ASAP1: variants seen among roughly 807,000 people sequenced by gnomAD.
ASAP1 encodes ArfGAP with SH3 domain, ankyrin repeat and PH domain 1, also known as arf-GAP with SH3 domain, ANK repeat and PH domain-containing protein 1.
A neutral mutation model predicts 145.2 loss-of-function variants in ASAP1; 43 were observed. The observed-to-expected ratio is 0.30, with a 90% CI of 0.23 to 0.38. The LOEUF is 0.38. Among genes scored for constraint, ASAP1 ranks in the 10% least tolerant of loss-of-function variants. The pLI is 1.00. For synonymous variants in ASAP1, 546 were observed against 515.5 expected (o/e 1.06, Z -0.80); for missense variants, 1,018 against 1,355.3 (o/e 0.75, Z 3.91).
intron 1 of ASAP1, among the ~76,000 whole-genome samples, chr8:130,411,227 ACT>A (rs1399560106): frequency 6.6e-6 from 1 of 151,702 alleles, no homozygotes; most frequent in Admixed American, 6.6e-5. Flanking sequence ...CAATGCCTTG[ACT>A]CTCACAGGTC....
intron 5 of ASAP1, among the ~76,000 whole-genome samples, chr8:130,191,601 T>C (rs963163692): frequency 6.6e-6 from 1 of 152,188 alleles, no homozygotes; most frequent in Admixed American, 6.5e-5. Flanking sequence ...TATGTGTTAG[T>C]GGCAGAGGGA....
At chr8:130,094,950 T>C (rs1038028147) in intron 24 of ASAP1, among the ~76,000 whole-genome samples, 1 of 152,208 alleles carries the variant, frequency 6.6e-6, no homozygotes, top group Non-Finnish European at 1.5e-5. Flanking sequence ...AAAATGCTAA[T>C]GGAGCCATGT....
At chr8:130,104,131 G>A (rs151041295) in intron 24 of ASAP1, among the ~76,000 whole-genome samples, 1,966 of 152,174 alleles carry the variant, frequency 0.013, 29 homozygotes, top group Admixed American at 0.045. Context: ...GCATGCTCTG[G>A]GTACTCAGTA....
At chr8:130,273,324 A>T (rs2137093871) in intron 3 of ASAP1, among the ~76,000 whole-genome samples, 1 of 152,274 alleles carries the variant, frequency 6.6e-6, no homozygotes, top group Admixed American at 6.5e-5. Context: ...AAAGCATCAA[A>T]ATCAATTGAA....
intron 1 of ASAP1, among the ~76,000 whole-genome samples, chr8:130,414,289 GTGTGT>G (rs762734476): frequency 1.3e-5 from 2 of 152,232 alleles, no homozygotes; most frequent in Non-Finnish European, 2.9e-5. Context: ...GATAATAAAT[GTGTGT>G]TGTTTCAAGC....
intron 3 of ASAP1, among the ~76,000 whole-genome samples, chr8:130,302,092 A>G (rs889536225): frequency 6.6e-6 from 1 of 152,256 alleles, no homozygotes; most frequent in Non-Finnish European, 1.5e-5. Flanking sequence ...TAATCTGCCT[A>G]CAGCTATAGT....
At chr8:130,231,815 C>T (rs949652508) in intron 4 of ASAP1, among the ~76,000 whole-genome samples, 3 of 152,202 alleles carry the variant, frequency 2.0e-5, no homozygotes, top group Non-Finnish European at 4.4e-5. Flanking sequence ...TTAAACAATA[C>T]TGAGAAGCAA....
At chr8:130,137,878 T>C (rs2097598955) in intron 13 of ASAP1, among the ~76,000 whole-genome samples, 1 of 152,226 alleles carries the variant, frequency 6.6e-6, no homozygotes, top group Admixed American at 6.5e-5. Flanking sequence ...GGACAATGGC[T>C]GATACTAGGA....
At chr8:130,106,572 C>T (rs745770981) in intron 24 of ASAP1, among the ~76,000 whole-genome samples, 4 of 152,232 alleles carry the variant, frequency 2.6e-5, no homozygotes, top group African/African-American at 4.8e-5. Context: ...CACCTGTGGA[C>T]ATCTGGTTTA....
At chr8:130,306,050 T>C (rs901773982) in intron 3 of ASAP1, among the ~76,000 whole-genome samples, 5 of 152,174 alleles carry the variant, frequency 3.3e-5, no homozygotes, top group Non-Finnish European at 7.3e-5. Flanking sequence ...TCTGGGATCA[T>C]AAAGTCCTCA....
chr8:130,063,990 C>G (rs1035092427), intron 27 of ASAP1, among the ~76,000 whole-genome samples: 45 of 152,040 alleles, frequency 3.0e-4, no homozygotes, highest in Admixed American at 6.5e-4. Flanking sequence ...AGAGTGACCA[C>G]CAAGGAGGGT....
chr8:130,295,373 T>C (rs1822204470), intron 3 of ASAP1, among the ~76,000 whole-genome samples: 1 of 152,048 alleles, frequency 6.6e-6, no homozygotes, highest in Non-Finnish European at 1.5e-5. Flanking sequence ...ATCACATTGA[T>C]TAGCCAGGAG....
At chr8:130,102,758 T>G (rs1308464176) in intron 24 of ASAP1, among the ~76,000 whole-genome samples, 2 of 152,216 alleles carry the variant, frequency 1.3e-5, no homozygotes, top group Non-Finnish European at 2.9e-5. Flanking sequence ...TGATCTTGAC[T>G]CACTGCAGCT....
intron 2 of ASAP1, among the ~76,000 whole-genome samples, chr8:130,370,883 G>A (rs1211464548): frequency 1.3e-5 from 2 of 152,230 alleles, no homozygotes; most frequent in Admixed American, 6.5e-5. Context: ...GTTATCAGGG[G>A]CTGTGGGGGA....
chr8:130,392,010 G>A (rs561691089), intron 2 of ASAP1, among the ~76,000 whole-genome samples: 25 of 152,194 alleles, frequency 1.6e-4, no homozygotes, highest in Non-Finnish European at 2.5e-4. Flanking sequence ...ACCTGGGAGC[G>A]CCTAATCTAT....
Position 130,376,857 on chromosome 8 carries a change from C to T in ASAP1, c.60-18714G>A, listed in dbSNP as rs939782139. Among the ~76,000 whole-genome samples the T allele has an allele frequency of 5.0e-5, 7 of 141,358 alleles. No individual in the cohort carries two copies. The South Asian group carries it at 1.1e-3, about 23-fold the overall frequency. 92.7% of individuals were successfully genotyped at this position (141,358 alleles called of 152,430 possible). A position where few individuals can be genotyped will look rare whatever the true frequency, so the allele number is the denominator to read the frequency against. On this transcript the variant is annotated intron_variant, in intron 2 of 29. Coordinates refer to ENST00000518721, the MANE Select transcript of ASAP1 (RefSeq NM_018482.4). ...GGCAGAGGTTGCGGTGAGATGAGAT[C>T]GCACCATTGCACTCCAGCCTCAGCA...
At chr8:130,432,668 G>A (rs1042380432) in intron 1 of ASAP1, among the ~76,000 whole-genome samples, 2 of 152,152 alleles carry the variant, frequency 1.3e-5, no homozygotes, top group Admixed American at 6.6e-5. Flanking sequence ...GTCCCAAGAT[G>A]GCTGCCACGG....
At chr8:130,298,157 T>A (rs1822403652) in intron 3 of ASAP1, among the ~76,000 whole-genome samples, 1 of 152,204 alleles carries the variant, frequency 6.6e-6, no homozygotes, top group Admixed American at 6.5e-5. Flanking sequence ...TTGACAAGTA[T>A]GGATACTGCA....
intron 11 of ASAP1, among the ~76,000 whole-genome samples, chr8:130,164,581 C>T (rs1390887710): frequency 6.6e-6 from 1 of 151,960 alleles, no homozygotes; most frequent in Non-Finnish European, 1.5e-5. Context: ...ACAGAGACTC[C>T]GTCTCAAAAA....
Sources: allele counts gnomAD v4.1 joint callset (sites outside exome capture counted in the v4.1 genomes callset), GRCh38; gene constraint gnomAD v4.1.1; transcripts MANE v1.5; gene names NCBI Gene and HGNC (gene_info 2026-07-23, HGNC 2026-07-21).